Variants in ELP5 observed in about 807,000 individuals in gnomAD.
ELP5 encodes the protein elongator acetyltransferase complex subunit 5.
ELP5 carries 34 observed loss-of-function variants against 33.4 expected under a neutral mutation model. The observed-to-expected ratio is 1.02, with a 90% CI of 0.78 to 1.36. The LOEUF (loss-of-function observed/expected upper bound fraction) is 1.36, where lower values mean the gene tolerates loss of function less well. ELP5 is among the 40% of genes most tolerant of loss of function. ELP5 has a pLI of 0.00. For synonymous variants in ELP5, 161 were observed against 146.4 expected (o/e 1.10, Z -0.72); for missense variants, 373 against 371.7 (o/e 1.00, Z -0.03).
In ELP5 at chr17:7,259,602, C is replaced by T. The variant is rs748629916; in HGVS notation, c.820C>T (p.Gln274Ter). 6.2e-7 allele frequency: 1 copy of T among 1,614,260 alleles called. No individual in the cohort carries two copies. Among genetic ancestry groups the T allele is most frequent in the Non-Finnish European group, 8.5e-7 (1 of 1,180,050 alleles). The change falls in exon 8 of 8, where the codon CAG (glutamine) becomes TAG (stop). Residue 274 changes from glutamine (Q) to a stop codon, truncating the protein, a stop_gained. Coordinates refer to ENST00000396628, the MANE Select transcript of ELP5 (RefSeq NM_203414.3). LOFTEE classifies it high-confidence loss of function. ...GGCTCTCCTGCGGCCTAGGCCAGGG[C>T]AGGCTACCAGCCACATCTTCTATGA... The part of the protein sequence containing the change: ...QQALLRPRPG[Q>*]ATSHIFYEPD...
At chr17:7,256,329 C>G (rs911844450) in intron 4 of ELP5, among the ~76,000 whole-genome samples, 1 of 152,096 alleles carries the variant, frequency 6.6e-6, no homozygotes, top group Admixed American at 6.5e-5. Context: ...GGCGACAGAG[C>G]AAGACTCCAT....
rs1266928742 is a variant in ELP5 at position 7,254,565 on chromosome 17, C to G, written c.189-18C>G. The G allele has an allele frequency of 1.9e-6, 3 of 1,591,136 alleles. No homozygotes were observed. Among genetic ancestry groups the G allele is most frequent in the Non-Finnish European group, 2.6e-6 (3 of 1,163,094 alleles). On this transcript the variant is annotated intron_variant, in intron 3 of 7. Coordinates refer to ENST00000396628, the MANE Select transcript of ELP5 (RefSeq NM_203414.3). ...GGGAAGGGGCAATATTATATTGTGT[C>G]TTATTTTCCCTTTGCAGGCTGGTTT...
At chr17:7,256,718 G>A (rs541914213) in intron 4 of ELP5, 139 bp from the exon 5 acceptor site, 52 of 760,398 alleles carry the variant, frequency 6.8e-5, no homozygotes, top group East Asian at 3.9e-4. Flanking sequence ...CTCAGAGCAC[G>A]GTAGTGAGAT....
At chr17:7,254,354 C>T (rs1473600889) in intron 3 of ELP5, among the ~76,000 whole-genome samples, 5 of 152,214 alleles carry the variant, frequency 3.3e-5, no homozygotes, top group African/African-American at 1.2e-4. Context: ...AATAATGTAT[C>T]AGTTAGCTGA....
intron 3 of ELP5, among the ~76,000 whole-genome samples, chr17:7,253,813 T>G (rs1420956657): frequency 6.6e-6 from 1 of 152,100 alleles, no homozygotes; most frequent in Non-Finnish European, 1.5e-5. Flanking sequence ...CTGACCAACA[T>G]GGAGAAACCC....
intron 3 of ELP5, among the ~76,000 whole-genome samples, chr17:7,253,373 T>C (rs1457291064): frequency 2.0e-5 from 3 of 152,138 alleles, no homozygotes; most frequent in African/African-American, 7.2e-5. Flanking sequence ...ACCTAATGAA[T>C]TTTAGGGAAT....
Position 7,253,201 on chromosome 17 carries a change from C to T in ELP5, c.188+203C>T, listed in dbSNP as rs536662018. 2.0e-5 allele frequency among the ~76,000 whole-genome samples: 3 copies of T among 152,112 alleles called. No individual in the cohort carries two copies. In the East Asian group the frequency reaches 5.8e-4, roughly 29 times the overall value. ...AGTCCAAAGCAAAGATCATAGAAGT[C>T]GAGAGAGAAATAGCCTGGAAATAGG... On this transcript the variant is annotated intron_variant, in intron 3 of 7. Transcript: ENST00000396628.
chr17:7,259,402 C>T, intron 7 of ELP5, 169 bp from the exon 8 acceptor site: 1 of 1,442,026 alleles, frequency 6.9e-7, no homozygotes, highest in Non-Finnish European at 9.1e-7. Context: ...TATCCCAGTA[C>T]CAAATGGTGC....
In ELP5 at chr17:7,258,618, A is replaced by G; in HGVS notation, c.622A>G (p.Ser208Gly). The change falls in exon 6 of 8, where the codon AGC (serine) becomes GGC (glycine). Residue 208 changes from serine to glycine, a missense_variant. Coordinates refer to ENST00000396628, the MANE Select transcript of ELP5 (RefSeq NM_203414.3). The part of the protein sequence containing the change: ...TQWFSILPDF[S>G]LDLQEGPSVE... ...GTGGTTCTCCATCCTTCCGGACTTC[A>G]GCCTGGATCTCCAAGAGGGGCCCTC... 1 of 1,614,190 alleles carries G rather than the reference A, an allele frequency of 6.2e-7. No homozygotes were observed. The highest frequency in any genetic ancestry group is 1.7e-5 in the Admixed American group (1 of 60,016).
At chr17:7,256,765 T>G in intron 4 of ELP5, 92 bp from the exon 5 acceptor site, 1 of 1,359,006 alleles carries the variant, frequency 7.4e-7, no homozygotes, top group Non-Finnish European at 1.0e-6. Flanking sequence ...AGCACTGTGA[T>G]GGAATTGTGA....
chr17:7,255,321 C>G lies in ELP5; in HGVS notation c.409+518C>G, dbSNP rs577307107. Among the ~76,000 whole-genome samples, 8 of 151,776 alleles carry G rather than the reference C, an allele frequency of 5.3e-5. No individual in the cohort carries two copies. In the East Asian group the frequency reaches 1.6e-3, roughly 29 times the overall value. ...TGGGTAGATCACAAGGTCAGGAGAT[C>G]GAGACCATCCTGGCTAACATGGTGA... On this transcript the variant is annotated intron_variant, in intron 4 of 7. Coordinates refer to ENST00000396628, the MANE Select transcript of ELP5 (RefSeq NM_203414.3).
chr17:7,257,094 C>A, intron 5 of ELP5, 56 bp downstream of exon 5: 2 of 1,465,060 alleles, frequency 1.4e-6, no homozygotes, highest in Non-Finnish European at 9.0e-7. Context: ...AGGGGTGGCA[C>A]GATGGGAAGA....
Position 7,256,939 on chromosome 17 carries a change from C to G in ELP5, c.492C>G (p.Leu164=). The change falls in exon 5 of 8, where the codon CTC becomes CTG. Residue 164 remains leucine, a synonymous_variant. Transcript: ENST00000396628. ...ELHGPGPVGA[L]SSLAQTEVTL... ...ATGGACCAGGCCCTGTGGGAGCTCT[C>G]AGCAGCCTTGCTCAGACTGAGGTGA... 6.2e-7 allele frequency: 1 copy of G among 1,614,050 alleles called. No individual in the cohort carries two copies. The highest frequency in any genetic ancestry group is 1.1e-5 in the South Asian group (1 of 91,084).
Position 7,252,718 on chromosome 17 carries a change from A to T in ELP5, c.47-52A>T. 1.9e-6 allele frequency: 3 copies of T among 1,613,302 alleles called. No individual in the cohort carries two copies. In the East Asian group the frequency reaches 6.7e-5, roughly 36 times the overall value. ...GTGTGGAAATCGCGACGGGTTCGCG[A>T]AGGCGGTAATCCCAGCGCTCTCATA... On this transcript the variant is annotated intron_variant, in intron 1 of 7. Transcript: ENST00000396628.
rs1345466409 is a variant in ELP5 at position 7,253,058 on chromosome 17, C to A, written c.188+60C>A. On this transcript the variant is annotated intron_variant, in intron 3 of 7. Coordinates refer to ENST00000396628, the MANE Select transcript of ELP5 (RefSeq NM_203414.3). ...GAGACCTATAATGCTAAGGAAATTT[C>A]TTTACAACAAGCGCAGAACCTGGTA... The A allele has an allele frequency of 2.6e-6, 4 of 1,539,180 alleles. No individual in the cohort carries two copies. In the South Asian group the frequency reaches 3.4e-5, roughly 13 times the overall value.
intron 4 of ELP5, among the ~76,000 whole-genome samples, chr17:7,256,537 C>T (rs1234169647): frequency 6.6e-6 from 1 of 152,302 alleles, no homozygotes; most frequent in South Asian, 2.1e-4. Context: ...CCAGAAACTA[C>T]AAGTACTTCC....
intron 3 of ELP5, 33 bp from the exon 4 acceptor site, chr17:7,254,550 A>G (rs2072028507): frequency 1.3e-6 from 2 of 1,509,694 alleles, no homozygotes; most frequent in Non-Finnish European, 1.8e-6. Flanking sequence ...GGGAAGGGGC[A>G]ATATTATATT....
chr17:7,258,741 A>T, intron 6 of ELP5, 58 bp downstream of exon 6: 1 of 1,614,012 alleles, frequency 6.2e-7, no homozygotes, highest in East Asian at 2.2e-5. Context: ...TGGTCACGGG[A>T]GAGAAAATAA....
intron 4 of ELP5, among the ~76,000 whole-genome samples, chr17:7,256,592 G>A (rs1440789163): frequency 6.6e-6 from 1 of 152,216 alleles, no homozygotes; most frequent in Non-Finnish European, 1.5e-5. Context: ...ACCACCTGCT[G>A]GAAGCGTTCG....
Sources: gnomAD v4.1 joint callset for allele counts (sites outside exome capture counted in the v4.1 genomes callset) on GRCh38, gnomAD v4.1.1 for gene constraint, MANE v1.5 for transcripts, NCBI Gene and HGNC (gene_info 2026-07-23, HGNC 2026-07-21) for gene names.